The following TGFBR3 variants were observed in gnomAD, a reference collection of about 807,000 sequenced individuals.
TGFBR3 encodes the protein transforming growth factor beta receptor 3.
TGFBR3 carries 46 observed loss-of-function variants against 87.9 expected under a neutral mutation model. That is an observed-to-expected ratio of 0.52 (90% CI 0.41 to 0.67). The LOEUF is 0.67. Among genes scored for constraint, TGFBR3 ranks in the 30% least tolerant of loss-of-function variants. TGFBR3 has a pLI of 0.00. For synonymous variants in TGFBR3, 381 were observed against 391.6 expected (o/e 0.97, Z 0.32); for missense variants, 866 against 1,041.9 (o/e 0.83, Z 2.32).
intron 3 of TGFBR3, among the ~76,000 whole-genome samples, chr1:91,792,948 T>C (rs1042743582): frequency 3.3e-5 from 5 of 152,214 alleles, no homozygotes; most frequent in Admixed American, 1.3e-4. Flanking sequence ...TGATTACAAA[T>C]GAGAGGTGTG....
chr1:91,889,774 A>G (rs140125847), upstream of TGFBR3, among the ~76,000 whole-genome samples: 353 of 61,482 alleles, frequency 5.7e-3, no homozygotes, highest in African/African-American at 0.023. Flanking sequence ...CCCACCTCCC[A>G]GGTTCAAGTG....
At chr1:91,821,002 T>C (rs144277745) in intron 2 of TGFBR3, among the ~76,000 whole-genome samples, 1 of 151,912 alleles carries the variant, frequency 6.6e-6, no homozygotes, top group East Asian at 1.9e-4. Context: ...TTCTATGAGG[T>C]TGACACAAAA....
At chr1:91,813,517 T>C (rs762329903) in intron 2 of TGFBR3, among the ~76,000 whole-genome samples, 1 of 152,206 alleles carries the variant, frequency 6.6e-6, no homozygotes, top group Non-Finnish European at 1.5e-5. Context: ...TTAGCATAAT[T>C]TGCACATTTT....
Position 91,681,345 on chromosome 1 carries a change from GAAT to G in TGFBR3, c.*2391_*2393del, listed in dbSNP as rs1670902218. ...TTTATCGACACAGATTTCTTGATCT[GAAT>G]AATAATTCTGACAATGAGACCCAAA... On this transcript the variant is annotated 3_prime_UTR_variant, in exon 17 of 17. Transcript: ENST00000212355. 2.3e-6 allele frequency: 1 copy of G among 442,410 alleles called. No individual in the cohort carries two copies. Among genetic ancestry groups the G allele is most frequent in the South Asian group, 1.7e-5 (1 of 59,638 alleles). 27.4% of individuals were successfully genotyped at this position (442,410 alleles called of 1,614,324 possible).
chr1:91,710,042 G>A (rs1025702526), intron 13 of TGFBR3, among the ~76,000 whole-genome samples: 1 of 152,126 alleles, frequency 6.6e-6, no homozygotes, highest in Non-Finnish European at 1.5e-5. Context: ...ATGAGCCCAC[G>A]CCCAGCCTAA....
upstream of TGFBR3, among the ~76,000 whole-genome samples, chr1:91,887,235 C>CTTTTTTT (rs1557764185): frequency 1.6e-4 from 2 of 12,802 alleles, no homozygotes; most frequent in Non-Finnish European, 3.1e-4. Context: ...TGGACCTATG[C>CTTTTTTT]CTTTTTTTTT....
intron 4 of TGFBR3, among the ~76,000 whole-genome samples, chr1:91,756,607 A>G (rs1193108836): frequency 6.6e-6 from 1 of 152,244 alleles, no homozygotes; most frequent in African/African-American, 2.4e-5. Context: ...TGCTAGTAAT[A>G]ACAACTAAAT....
intron 1 of TGFBR3, among the ~76,000 whole-genome samples, chr1:91,865,798 G>C (rs993773814): frequency 6.6e-6 from 1 of 151,940 alleles, no homozygotes; most frequent in Non-Finnish European, 1.5e-5. Context: ...TGTAGTCCCA[G>C]CTACTCGGGA....
intron 1 of TGFBR3, among the ~76,000 whole-genome samples, chr1:91,880,702 G>T (rs931692584): frequency 6.6e-6 from 1 of 151,942 alleles, no homozygotes; most frequent in African/African-American, 2.4e-5. Context: ...TGAAAAAGAA[G>T]ACTGTCCTTT....
At position 91,688,388 on chromosome 1, in the gene TGFBR3, C is replaced by T. The variant is rs574127150; in HGVS notation, c.2438-4531G>A. On this transcript the variant is annotated intron_variant, in intron 16 of 16. Coordinates refer to ENST00000212355, the MANE Select transcript of TGFBR3 (RefSeq NM_003243.5). ...GAGGAAGGCTGTCCTCCACAGCTAT[C>T]GCTACAACCCTGAGTCAGAAACTGG... Among the ~76,000 whole-genome samples the T allele has an allele frequency of 1.1e-4, 16 of 152,226 alleles. No homozygotes were observed. The South Asian group carries it at 3.3e-3, about 32-fold the overall frequency.
At position 91,752,212 on chromosome 1, in the gene TGFBR3, A is replaced by G. The variant is rs377736872; in HGVS notation, c.384+6401T>C. On this transcript the variant is annotated intron_variant, in intron 4 of 16. Transcript: ENST00000212355. ...AAAGTTGAATTTCAGGTAAACAATG[A>G]ATACTTTTTCAGTATATGTTATGTC... Among the ~76,000 whole-genome samples, 94 of 152,304 alleles carry G rather than the reference A, an allele frequency of 6.2e-4. 1 individual carries two copies. In the South Asian group the frequency reaches 0.019, roughly 31 times the overall value.
At chr1:91,805,602 A>G (rs905935465) in intron 2 of TGFBR3, among the ~76,000 whole-genome samples, 2 of 152,194 alleles carry the variant, frequency 1.3e-5, no homozygotes, top group Admixed American at 1.3e-4. Context: ...CTGCCAAACC[A>G]GCCTCCTTCA....
At chr1:91,858,322 A>T (rs1331305474) in intron 2 of TGFBR3, among the ~76,000 whole-genome samples, 2 of 151,882 alleles carry the variant, frequency 1.3e-5, no homozygotes, top group African/African-American at 2.4e-5. Flanking sequence ...CATATAAAAA[A>T]TTTTTTTTGC....
At chr1:91,804,214 G>T (rs956193793) in intron 2 of TGFBR3, among the ~76,000 whole-genome samples, 1 of 152,138 alleles carries the variant, frequency 6.6e-6, no homozygotes, top group Non-Finnish European at 1.5e-5. Context: ...AAATGAAGGA[G>T]GTGGCATTTT....
intron 8 of TGFBR3, among the ~76,000 whole-genome samples, chr1:91,721,591 C>T (rs1007635463): frequency 2.6e-5 from 4 of 152,188 alleles, no homozygotes; most frequent in Non-Finnish European, 4.4e-5. Context: ...GTCCTCGTGA[C>T]TATTTTCCTA....
At chr1:91,726,207 G>T (rs1266627865) in intron 7 of TGFBR3, among the ~76,000 whole-genome samples, 2 of 152,230 alleles carry the variant, frequency 1.3e-5, no homozygotes, top group Admixed American at 6.5e-5. Context: ...ACATACTCAG[G>T]GAAAGAGCCA....
chr1:91,757,437 A>G (rs368583915), intron 4 of TGFBR3, among the ~76,000 whole-genome samples: 8 of 152,226 alleles, frequency 5.3e-5, no homozygotes, highest in African/African-American at 1.4e-4. Context: ...TGTGTAATTA[A>G]TAAGTAATTT....
At chr1:91,899,214 A>G (rs1570348698) in intron 2 of TGFBR3, among the ~76,000 whole-genome samples, 1 of 152,232 alleles carries the variant, frequency 6.6e-6, no homozygotes, top group Non-Finnish European at 1.5e-5. Flanking sequence ...TTATTCCACA[A>G]TGTATACATC....
At chr1:91,712,872 G>A (rs1672031968) in intron 12 of TGFBR3, among the ~76,000 whole-genome samples, 1 of 152,160 alleles carries the variant, frequency 6.6e-6, no homozygotes, top group Non-Finnish European at 1.5e-5. Context: ...ATTTAAAGTG[G>A]ATTTTCCGAA....
Sources: allele counts gnomAD v4.1 joint callset (sites outside exome capture counted in the v4.1 genomes callset), GRCh38; gene constraint gnomAD v4.1.1; transcripts MANE v1.5; gene names NCBI Gene and HGNC (gene_info 2026-07-23, HGNC 2026-07-21).